ASCC3: variants seen among roughly 807,000 people sequenced by gnomAD.
ASCC3 encodes the protein activating signal cointegrator 1 complex subunit 3.
A neutral mutation model predicts 256.3 loss-of-function variants in ASCC3; 158 were observed. That is an observed-to-expected ratio of 0.62 (90% CI 0.54 to 0.70). The LOEUF is 0.70. Among genes scored for constraint, ASCC3 ranks in the 30% least tolerant of loss-of-function variants. The pLI is 0.00. For missense variants in ASCC3, 2,259 were observed against 2,626.0 expected (o/e 0.86, Z 3.05); for synonymous variants, 948 against 883.4 (o/e 1.07, Z -1.30).
chr6:100,713,829 A>C (rs1304202173), intron 13 of ASCC3, among the ~76,000 whole-genome samples: 1 of 152,184 alleles, frequency 6.6e-6, no homozygotes, highest in Admixed American at 6.5e-5. Context: ...TTAGCTAACA[A>C]TATAGTTTAT....
intron 8 of ASCC3, among the ~76,000 whole-genome samples, chr6:100,781,637 C>T (rs981914286): frequency 6.6e-6 from 1 of 151,516 alleles, no homozygotes; most frequent in African/African-American, 2.4e-5. Context: ...ATCTACCTGC[C>T]TCGGCCTCCC....
At chr6:100,660,696 C>T (rs947699773) in intron 16 of ASCC3, among the ~76,000 whole-genome samples, 1 of 151,608 alleles carries the variant, frequency 6.6e-6, no homozygotes, top group Non-Finnish European at 1.5e-5. Context: ...CAAGCTGTTA[C>T]TCTAACTCAC....
intron 4 of ASCC3, among the ~76,000 whole-genome samples, chr6:100,837,236 C>T (rs187710655): frequency 1.8e-4 from 28 of 152,094 alleles, no homozygotes; most frequent in East Asian, 1.5e-3. Context: ...GAACAAAAAA[C>T]AACTGTTGGT....
At chr6:100,538,384 T>C (rs998678226) in intron 37 of ASCC3, among the ~76,000 whole-genome samples, 5 of 152,162 alleles carry the variant, frequency 3.3e-5, no homozygotes, top group African/African-American at 1.2e-4. Flanking sequence ...TAAAAACGTG[T>C]TACATGTTTA....
intron 23 of ASCC3, among the ~76,000 whole-genome samples, chr6:100,643,275 G>A (rs1775217028): frequency 6.6e-6 from 1 of 152,062 alleles, no homozygotes; most frequent in Admixed American, 6.6e-5. Context: ...CAGAAATTAC[G>A]AATGAAGCAT....
At chr6:100,686,979 A>G (rs1428112160) in intron 13 of ASCC3, among the ~76,000 whole-genome samples, 4 of 151,034 alleles carry the variant, frequency 2.6e-5, no homozygotes, top group African/African-American at 9.7e-5. Flanking sequence ...TATCTCTTCA[A>G]TACAGACGTA....
chr6:100,679,795 A>G (rs1201807445), intron 13 of ASCC3, 43 bp from the exon 14 acceptor site: 4 of 1,592,952 alleles, frequency 2.5e-6, no homozygotes, highest in Non-Finnish European at 3.4e-6. Flanking sequence ...CCAATTAATT[A>G]AATTACAGCT....
At chr6:100,583,736 T>C (rs1045387838) in intron 36 of ASCC3, among the ~76,000 whole-genome samples, 1 of 152,220 alleles carries the variant, frequency 6.6e-6, no homozygotes, top group African/African-American at 2.4e-5. Context: ...GTGCTATAAA[T>C]TTCCCTCTAC....
intron 2 of ASCC3, among the ~76,000 whole-genome samples, chr6:100,867,431 T>C (rs1449619782): frequency 6.6e-6 from 1 of 152,190 alleles, no homozygotes; most frequent in East Asian, 1.9e-4. Flanking sequence ...AATGCCTTTC[T>C]TACCAATTAT....
intron 18 of ASCC3, 139 bp downstream of exon 18, chr6:100,652,586 G>A: frequency 2.3e-6 from 2 of 884,942 alleles, no homozygotes; most frequent in Non-Finnish European, 3.4e-6. Flanking sequence ...TGTCTTTACT[G>A]AGGGTATACT....
intron 4 of ASCC3, among the ~76,000 whole-genome samples, chr6:100,828,145 ACT>A (rs1019665525): frequency 6.6e-6 from 1 of 151,408 alleles, no homozygotes; most frequent in Non-Finnish European, 1.5e-5. Flanking sequence ...CAATTTAGTA[ACT>A]CATATTAATA....
At chr6:100,517,896 A>AT in intron 38 of ASCC3, 95 bp downstream of exon 38, 2 of 1,331,110 alleles carry the variant, frequency 1.5e-6, no homozygotes, top group Admixed American at 3.7e-5. Flanking sequence ...AATAATCAGT[A>AT]TTCTCCATAA....
At chr6:100,567,908 C>T (rs925834540) in intron 36 of ASCC3, among the ~76,000 whole-genome samples, 16 of 152,122 alleles carry the variant, frequency 1.1e-4, no homozygotes, top group African/African-American at 3.9e-4. Context: ...TTTGGATCCC[C>T]AGTAATGGGA....
At chr6:100,647,094 G>T in intron 21 of ASCC3, 132 bp downstream of exon 21, 1 of 940,796 alleles carries the variant, frequency 1.1e-6, no homozygotes, top group Non-Finnish European at 1.6e-6. Flanking sequence ...TTAGATAAAT[G>T]AAAAAGATTT....
At chr6:100,577,849 CAATA>C (rs1193544056) in intron 36 of ASCC3, among the ~76,000 whole-genome samples, 3 of 151,886 alleles carry the variant, frequency 2.0e-5, no homozygotes, top group African/African-American at 7.3e-5. Flanking sequence ...TGTAGACACA[CAATA>C]AATATATTTT....
At chr6:100,612,106 T>C (rs190136992) in intron 30 of ASCC3, among the ~76,000 whole-genome samples, 97 of 152,196 alleles carry the variant, frequency 6.4e-4, no homozygotes, top group South Asian at 3.9e-3. Context: ...GAGGCACATA[T>C]GTAAACTGTT....
At chr6:100,747,935 T>C (rs896520946) in intron 10 of ASCC3, among the ~76,000 whole-genome samples, 1 of 152,114 alleles carries the variant, frequency 6.6e-6, no homozygotes, top group African/African-American at 2.4e-5. Context: ...CCTTAGAATA[T>C]AATTGATTAC....
At chr6:100,871,385 T>C (rs1773736078) in intron 1 of ASCC3, among the ~76,000 whole-genome samples, 1 of 150,932 alleles carries the variant, frequency 6.6e-6, no homozygotes, top group Admixed American at 6.6e-5. Context: ...TGAGCCACCA[T>C]GCCTAGCCAA....
At chr6:100,593,963 T>C (rs1376401096) in intron 34 of ASCC3, among the ~76,000 whole-genome samples, 2 of 152,114 alleles carry the variant, frequency 1.3e-5, no homozygotes, top group East Asian at 1.9e-4. Flanking sequence ...TGTATATATA[T>C]GTGTTTACAT....
Sources: allele counts gnomAD v4.1 joint callset (sites outside exome capture counted in the v4.1 genomes callset), GRCh38; gene constraint gnomAD v4.1.1; transcripts MANE v1.5; gene names NCBI Gene and HGNC (gene_info 2026-07-23, HGNC 2026-07-21).